Variants in CUX1 observed in about 807,000 individuals in gnomAD.
The protein encoded by CUX1 is cut like homeobox 1, also known as protein CASP.
In CUX1, 31 loss-of-function variants were observed where a neutral mutation model predicts 158.8. The ratio of observed to expected loss-of-function variants is 0.20; its 90% CI spans 0.15 to 0.26. The LOEUF (loss-of-function observed/expected upper bound fraction) is 0.26. Among genes scored for constraint, CUX1 ranks in the 10% least tolerant of loss-of-function variants. CUX1 has a pLI of 1.00. For missense variants in CUX1, 1,589 were observed against 2,014.6 expected (o/e 0.79, Z 4.04); for synonymous variants, 879 against 862.1 (o/e 1.02, Z -0.34).
At chr7:101,911,187 T>G (rs1012673381) in intron 1 of CUX1, among the ~76,000 whole-genome samples, 1 of 152,304 alleles carries the variant, frequency 6.6e-6, no homozygotes, top group Non-Finnish European at 1.5e-5. Flanking sequence ...GCCTGGGCCT[T>G]GGCCTTGGTC....
At chr7:101,872,535 A>ATT (rs10715559) in intron 1 of CUX1, among the ~76,000 whole-genome samples, 4 of 145,074 alleles carry the variant, frequency 2.8e-5, no homozygotes, top group African/African-American at 1.0e-4. Flanking sequence ...GGCTTCTATG[A>ATT]TTTTTTTTTT....
At chr7:102,162,261 C>A (rs576289615) in intron 9 of CUX1, among the ~76,000 whole-genome samples, 30 of 152,262 alleles carry the variant, frequency 2.0e-4, no homozygotes, top group Non-Finnish European at 3.8e-4. Flanking sequence ...AGCATAGAGG[C>A]TGGCGAGAGG....
intron 2 of CUX1, among the ~76,000 whole-genome samples, chr7:102,013,156 T>A: frequency 6.7e-6 from 1 of 148,710 alleles, no homozygotes. Flanking sequence ...ATCCCAGGGT[T>A]ATGAATGACG....
intron 2 of CUX1, among the ~76,000 whole-genome samples, chr7:101,966,636 C>G (rs564248072): frequency 6.6e-6 from 1 of 152,182 alleles, no homozygotes; most frequent in East Asian, 1.9e-4. Context: ...GGCGGATGTC[C>G]CATGGTCATG....
intron 1 of CUX1, among the ~76,000 whole-genome samples, chr7:101,904,621 T>C (rs1254336444): frequency 6.7e-6 from 1 of 149,436 alleles, no homozygotes; most frequent in Non-Finnish European, 1.5e-5. Context: ...CAGGCTGGAG[T>C]GTAGTGGTGT....
Position 101,946,833 on chromosome 7 carries a change from T to C in CUX1, c.141+30608T>C, listed in dbSNP as rs1013516437. Among the ~76,000 whole-genome samples, 3 of 152,196 alleles carry C rather than the reference T, an allele frequency of 2.0e-5. No homozygotes were observed. The South Asian group carries it at 6.2e-4, about 31-fold the overall frequency. ...TCAGTTCAGCAGACTCCAGTATTGA[T>C]GCTCAACCCATGCTGCTGCTGGGGA... On this transcript the variant is annotated intron_variant, in intron 2 of 23. Coordinates refer to ENST00000292535, the MANE Select transcript of CUX1 (RefSeq NM_181552.4).
intron 1 of CUX1, among the ~76,000 whole-genome samples, chr7:101,880,183 A>G (rs1799569612): frequency 1.3e-5 from 2 of 152,196 alleles, no homozygotes; most frequent in African/African-American, 2.4e-5. Context: ...TGAAAGGAAC[A>G]TTGAAAAAAC....
chr7:102,248,737 CCCGCCTCCGCGACCGCCACCG>C lies in CUX1; in HGVS notation c.4218_4238del (p.Ser1407_Ala1413del). 2 of 1,087,788 alleles carry C rather than the reference CCCGCCTCCGCGACCGCCACCG, an allele frequency of 1.8e-6. No homozygotes were observed. Among genetic ancestry groups the C allele is most frequent in the Non-Finnish European group, 2.2e-6 (2 of 894,504 alleles). The allele number at this position is 1,087,788 out of a possible 1,614,324, so 67.4% of individuals were successfully genotyped here. The stretch of plus-strand genomic sequence containing the variant: ...GGAAGGCCCGGGGCCCCTGCCCAGC[CCCGCCTCCGCGACCGCCACCG>C]CCGCGCCCGCGGCCCCCGAGGACGC... On this transcript the variant is annotated inframe_deletion, in exon 24 of 24. Coordinates refer to ENST00000292535, the MANE Select transcript of CUX1 (RefSeq NM_181552.4). The surrounding 1 kb of genome is among the most constrained non-coding windows in gnomAD (Gnocchi z 5.8).
chr7:102,057,309 C>A (rs1824281985), intron 3 of CUX1, among the ~76,000 whole-genome samples: 1 of 152,218 alleles, frequency 6.6e-6, no homozygotes, highest in South Asian at 2.1e-4. Context: ...CTAACACAAC[C>A]TGCATTCTAC....
chr7:101,904,424 A>G (rs1410928690), intron 1 of CUX1, among the ~76,000 whole-genome samples: 3 of 152,196 alleles, frequency 2.0e-5, no homozygotes, highest in African/African-American at 7.2e-5. Flanking sequence ...GGTGTGCTGA[A>G]CAGATTCAAG....
At chr7:101,824,245 C>T (rs143925666) in intron 1 of CUX1, 3,151 of 152,322 alleles carry the variant, frequency 0.021, 49 homozygotes, top group Non-Finnish European at 0.033. Flanking sequence ...TGCACCACCA[C>T]GCCCAGCTAA....
intron 8 of CUX1, among the ~76,000 whole-genome samples, chr7:102,118,792 T>C (rs1246812106): frequency 6.6e-6 from 1 of 152,084 alleles, no homozygotes; most frequent in East Asian, 1.9e-4. Flanking sequence ...TGCTCTGTCG[T>C]CTAGGCTGGA....
chr7:102,020,991 C>G (rs1819270017), intron 2 of CUX1, among the ~76,000 whole-genome samples: 1 of 151,940 alleles, frequency 6.6e-6, no homozygotes, highest in Non-Finnish European at 1.5e-5. Context: ...AAGGTGACAA[C>G]AGGCCAAGCC....
At chr7:102,191,384 C>G (rs1014527006) in intron 12 of CUX1, among the ~76,000 whole-genome samples, 5 of 152,178 alleles carry the variant, frequency 3.3e-5, no homozygotes, top group Non-Finnish European at 7.3e-5. Flanking sequence ...CGGGCATGAG[C>G]CACCACCCCG....
chr7:102,149,798 C>T (rs1162472203), intron 8 of CUX1, among the ~76,000 whole-genome samples: 1 of 152,166 alleles, frequency 6.6e-6, no homozygotes, highest in Non-Finnish European at 1.5e-5. Flanking sequence ...AAGGGGATTC[C>T]AGACCTAGAG....
intron 1 of CUX1, among the ~76,000 whole-genome samples, chr7:101,828,866 G>C (rs112582690): frequency 1.2e-4 from 19 of 152,274 alleles, no homozygotes; most frequent in African/African-American, 4.6e-4. Context: ...TGGCTGATGG[G>C]GGGTGGGCTT....
intron 8 of CUX1, among the ~76,000 whole-genome samples, chr7:102,133,742 T>C (rs1260652386): frequency 6.6e-6 from 1 of 152,178 alleles, no homozygotes; most frequent in Non-Finnish European, 1.5e-5. Flanking sequence ...CCCAAAGTGC[T>C]GGGACTACAG....
At chr7:102,034,667 C>A (rs190757514) in intron 3 of CUX1, among the ~76,000 whole-genome samples, 2 of 151,088 alleles carry the variant, frequency 1.3e-5, no homozygotes, top group Admixed American at 1.3e-4. Context: ...GCAGGAGAAT[C>A]ACTTGAACCA....
At chr7:102,114,896 G>GGAAA (rs1382346373) in intron 7 of CUX1, among the ~76,000 whole-genome samples, 1 of 149,102 alleles carries the variant, frequency 6.7e-6, no homozygotes, top group East Asian at 2.0e-4. Flanking sequence ...AAAATGGAAG[G>GGAAA]GAAAGAAAGA....
Sources: gnomAD v4.1 joint callset for allele counts (sites outside exome capture counted in the v4.1 genomes callset) on GRCh38, gnomAD v4.1.1 for gene constraint, Gnocchi (gnomAD v3.1) non-coding constraint, MANE v1.5 for transcripts, NCBI Gene and HGNC (gene_info 2026-07-23, HGNC 2026-07-21) for gene names.